SAMD12: variants seen among roughly 807,000 people sequenced by gnomAD.
The protein encoded by SAMD12 is sterile alpha motif domain-containing protein 12.
A neutral mutation model predicts 15.0 loss-of-function variants in SAMD12; 9 were observed. The observed-to-expected ratio is 0.60, with a 90% CI of 0.36 to 1.05. SAMD12 has a LOEUF of 1.05. Ranked by LOEUF, SAMD12 falls within the 50% of genes least tolerant of loss-of-function variation. The pLI, the probability that SAMD12 is intolerant of heterozygous loss-of-function variation, is 0.01. For synonymous variants in SAMD12, 86 were observed against 90.1 expected (o/e 0.96, Z 0.25); for missense variants, 230 against 234.2 (o/e 0.98, Z 0.12).
At chr8:118,578,890 G>A (rs1827217274) in intron 2 of SAMD12, among the ~76,000 whole-genome samples, 1 of 152,148 alleles carries the variant, frequency 6.6e-6, no homozygotes, top group South Asian at 2.1e-4. Flanking sequence ...GGGGATGGGT[G>A]TTCACTGTAG....
the SAMD12 span, among the ~76,000 whole-genome samples, chr8:118,172,107 G>C: frequency 6.6e-6 from 1 of 152,096 alleles, no homozygotes; most frequent in African/African-American, 2.4e-5. Context: ...GCCTGTCGTG[G>C]GGTAGGGGGA....
At chr8:118,545,236 G>A (rs1228514116) in intron 2 of SAMD12, among the ~76,000 whole-genome samples, 1 of 152,238 alleles carries the variant, frequency 6.6e-6, no homozygotes, top group Non-Finnish European at 1.5e-5. Flanking sequence ...GGAGGCCGAA[G>A]TAGGTGGATT....
chr8:118,475,757 T>C (rs1326621671), intron 2 of SAMD12, among the ~76,000 whole-genome samples: 1 of 152,236 alleles, frequency 6.6e-6, no homozygotes, highest in Non-Finnish European at 1.5e-5. Context: ...GATTTGGTTA[T>C]AGAAGCCTTT....
chr8:118,589,723 A>C (rs62531930), intron 1 of SAMD12, among the ~76,000 whole-genome samples: 6,870 of 152,282 alleles, frequency 0.045, 231 homozygotes, highest in African/African-American at 0.095. Context: ...AAATATTTTT[A>C]ACTATGATAC....
chr8:118,168,235 C>T, the SAMD12 span, among the ~76,000 whole-genome samples: 1 of 152,118 alleles, frequency 6.6e-6, no homozygotes, highest in African/African-American at 2.4e-5. Context: ...GGCTCTTTTA[C>T]CCTCTGATGT....
At chr8:118,352,647 C>A (rs867600894) in intron 4 of SAMD12, among the ~76,000 whole-genome samples, 2 of 152,068 alleles carry the variant, frequency 1.3e-5, no homozygotes, top group African/African-American at 4.8e-5. Context: ...ATTAACTAAC[C>A]GTGTTTGAGA....
chr8:118,612,798 G>T (rs1707714592), intron 1 of SAMD12, among the ~76,000 whole-genome samples: 1 of 152,084 alleles, frequency 6.6e-6, no homozygotes, highest in African/African-American at 2.4e-5. Flanking sequence ...ACCAATTACT[G>T]GAAACAACCT....
intron 4 of SAMD12, among the ~76,000 whole-genome samples, chr8:118,368,511 C>T (rs1818915607): frequency 6.7e-6 from 1 of 148,842 alleles, no homozygotes; most frequent in Admixed American, 6.7e-5. Context: ...TGTTTAAGAG[C>T]CCTTGCCATT....
chr8:118,499,410 G>A (rs1824714579), intron 2 of SAMD12, among the ~76,000 whole-genome samples: 1 of 152,144 alleles, frequency 6.6e-6, no homozygotes, highest in African/African-American at 2.4e-5. Flanking sequence ...TGAAAAAATT[G>A]TGGCAAGGAC....
At chr8:118,504,449 T>C (rs1310000698) in intron 2 of SAMD12, among the ~76,000 whole-genome samples, 1 of 152,216 alleles carries the variant, frequency 6.6e-6, no homozygotes, top group Non-Finnish European at 1.5e-5. Flanking sequence ...GTATGTGTCT[T>C]TGACTTGCTA....
At chr8:118,372,723 A>G (rs181250880) in intron 4 of SAMD12, among the ~76,000 whole-genome samples, 2 of 151,974 alleles carry the variant, frequency 1.3e-5, no homozygotes, top group African/African-American at 4.8e-5. Flanking sequence ...GGATACACAA[A>G]CTGTGGTTAT....
At chr8:118,533,805 C>G (rs1365641741) in intron 2 of SAMD12, among the ~76,000 whole-genome samples, 2 of 151,924 alleles carry the variant, frequency 1.3e-5, no homozygotes, top group Admixed American at 1.3e-4. Flanking sequence ...GGAGATCTTC[C>G]TCCATCCCTT....
intron 2 of SAMD12, among the ~76,000 whole-genome samples, chr8:118,547,186 C>A (rs1826155442): frequency 6.6e-6 from 1 of 152,166 alleles, no homozygotes; most frequent in South Asian, 2.1e-4. Context: ...AGTTTTACAA[C>A]AGCATGTTCC....
downstream of SAMD12, among the ~76,000 whole-genome samples, chr8:118,376,893 A>T (rs1819414664): frequency 3.3e-5 from 5 of 152,198 alleles, no homozygotes; most frequent in South Asian, 1.0e-3. Flanking sequence ...TAAACTAATA[A>T]GTTCACCTGA....
At chr8:118,459,099 T>C (rs995023605) in intron 2 of SAMD12, among the ~76,000 whole-genome samples, 2 of 151,876 alleles carry the variant, frequency 1.3e-5, no homozygotes, top group Admixed American at 1.3e-4. Flanking sequence ...CGAGTCTCAC[T>C]CTGTTGCCCA....
At chr8:118,561,057 C>A (rs973241514) in intron 2 of SAMD12, among the ~76,000 whole-genome samples, 1 of 152,202 alleles carries the variant, frequency 6.6e-6, no homozygotes, top group African/African-American at 2.4e-5. Flanking sequence ...TCACACTATA[C>A]TAATTTTAAT....
chr8:118,374,100 T>C (rs1040652877), downstream of SAMD12, among the ~76,000 whole-genome samples: 2 of 152,094 alleles, frequency 1.3e-5, no homozygotes, highest in East Asian at 1.9e-4. Flanking sequence ...CAGATCTCTA[T>C]GAGGTTTCAT....
intron 4 of SAMD12, among the ~76,000 whole-genome samples, chr8:118,311,350 G>C (rs1232997974): frequency 6.6e-6 from 1 of 152,204 alleles, no homozygotes; most frequent in Admixed American, 6.6e-5. Flanking sequence ...TATGAATAAA[G>C]TTTTATTAGA....
At chr8:118,141,924 T>C in the SAMD12 span, among the ~76,000 whole-genome samples, 8 of 152,198 alleles carry the variant, frequency 5.3e-5, no homozygotes, top group Non-Finnish European at 1.0e-4. Flanking sequence ...CTAGAAAATT[T>C]TGGAAGATGG....
Sources: gnomAD v4.1 joint callset for allele counts (sites outside exome capture counted in the v4.1 genomes callset) on GRCh38, gnomAD v4.1.1 for gene constraint, MANE v1.5 for transcripts, NCBI Gene and HGNC (gene_info 2026-07-23, HGNC 2026-07-21) for gene names.